The following PTPRE variants were observed in gnomAD, a reference collection of about 807,000 sequenced individuals.
PTPRE encodes receptor-type tyrosine-protein phosphatase epsilon.
In PTPRE, 51 loss-of-function variants were observed where a neutral mutation model predicts 102.0. The observed-to-expected ratio is 0.50, with a 90% CI of 0.40 to 0.63. PTPRE has a LOEUF of 0.63. Among genes scored for constraint, PTPRE ranks in the 30% least tolerant of loss-of-function variants. The pLI, the probability that PTPRE is intolerant of heterozygous loss-of-function variation, is 0.00. For synonymous variants in PTPRE, 345 were observed against 348.2 expected (o/e 0.99, Z 0.10); for missense variants, 752 against 915.1 (o/e 0.82, Z 2.30).
At position 128,006,419 on chromosome 10, in the gene PTPRE, G is replaced by A. The variant is rs193281352; in HGVS notation, c.-8+24123G>A. On this transcript the variant is annotated intron_variant, in intron 2 of 20. Coordinates refer to ENST00000254667, the MANE Select transcript of PTPRE (RefSeq NM_006504.6). ...TGTAGGTGCCTCTCAGGTACTTAACGTTGACTTGAAAATCATTGCTTAATT... is the reference window on the plus strand; with the variant it reads ...TGTAGGTGCCTCTCAGGTACTTAACATTGACTTGAAAATCATTGCTTAATT... Among the ~76,000 whole-genome samples, 7 of 152,294 alleles carry A rather than the reference G, an allele frequency of 4.6e-5. No homozygotes were observed. The East Asian group carries it at 1.2e-3, about 25-fold the overall frequency.
At chr10:128,047,659 G>A (rs1348254211) in intron 4 of PTPRE, 105 bp from the exon 5 acceptor site, 8 of 1,614,104 alleles carry the variant, frequency 5.0e-6, no homozygotes, top group Non-Finnish European at 6.8e-6. Flanking sequence ...ATGAGCAACA[G>A]GAGTAGCTTT....
At chr10:127,952,701 G>A (rs1008351535) in intron 1 of PTPRE, among the ~76,000 whole-genome samples, 14 of 152,198 alleles carry the variant, frequency 9.2e-5, no homozygotes, top group Non-Finnish European at 2.1e-4. Context: ...TTAAAACTGT[G>A]CTGGGTGTGC....
intron 7 of PTPRE, among the ~76,000 whole-genome samples, chr10:128,060,294 C>T (rs372730275): frequency 3.3e-5 from 5 of 151,986 alleles, no homozygotes; most frequent in African/African-American, 1.2e-4. Context: ...TACACACACA[C>T]CCCACACACA....
In PTPRE at chr10:128,061,662, G is replaced by T; in HGVS notation, c.589-17G>T. The T allele has an allele frequency of 6.3e-7, 1 of 1,578,648 alleles. No individual in the cohort carries two copies. Among genetic ancestry groups the T allele is most frequent in the Admixed American group, 1.9e-5 (1 of 51,346 alleles). On this transcript the variant is annotated splice_polypyrimidine_tract_variant and intron_variant, in intron 8 of 20. Transcript: ENST00000254667. ...GATAATTCTGAAAAAATATAAATCT[G>T]ATGTTATTTTTTCTAGGGTTACAAA...
At chr10:128,021,129 TCG>T (rs1476668859) in intron 2 of PTPRE, among the ~76,000 whole-genome samples, 1 of 152,154 alleles carries the variant, frequency 6.6e-6, no homozygotes, top group Non-Finnish European at 1.5e-5. Flanking sequence ...TCTCCTGACC[TCG>T]TGATCCACCT....
chr10:128,039,762 C>A (rs1847515455), intron 2 of PTPRE, among the ~76,000 whole-genome samples: 1 of 151,524 alleles, frequency 6.6e-6, no homozygotes, highest in Admixed American at 6.6e-5. Context: ...GACAGGCTGA[C>A]CTTGGACGGG....
chr10:128,046,305 G>A (rs1544226), intron 3 of PTPRE, among the ~76,000 whole-genome samples: 48,242 of 152,062 alleles, frequency 0.32, 8,339 homozygotes, highest in Admixed American at 0.48. Context: ...CCCAGTGCCC[G>A]GAGCACCCTC....
At chr10:127,918,558 C>CAAA (rs35535006) in intron 1 of PTPRE, among the ~76,000 whole-genome samples, 5,145 of 94,948 alleles carry the variant, frequency 0.054, 113 homozygotes, top group Middle Eastern at 0.11. Flanking sequence ...GACTCCATCT[C>CAAA]AAAAAAAAAA....
In PTPRE at chr10:127,951,690, G is replaced by T. The variant is rs972345231; in HGVS notation, c.-30-30584G>T. On this transcript the variant is annotated intron_variant, in intron 1 of 20. Coordinates refer to ENST00000254667, the MANE Select transcript of PTPRE (RefSeq NM_006504.6). ...CCTGTGGAGTGAAGGCAATTATGAT[G>T]GAAAAGGGTAAATGGAAGCTATTAG... 7.2e-5 allele frequency among the ~76,000 whole-genome samples: 11 copies of T among 152,276 alleles called. No homozygotes were observed. In the East Asian group the frequency reaches 7.7e-4, roughly 11 times the overall value.
intron 2 of PTPRE, among the ~76,000 whole-genome samples, chr10:128,002,907 C>T (rs935647709): frequency 3.9e-5 from 6 of 151,908 alleles, no homozygotes; most frequent in South Asian, 2.1e-4. Context: ...GTCACCCAGG[C>T]GAGTCTTGAA....
intron 2 of PTPRE, among the ~76,000 whole-genome samples, chr10:128,004,120 T>G (rs1445812675): frequency 2.0e-5 from 3 of 151,800 alleles, no homozygotes; most frequent in Non-Finnish European, 2.9e-5. Flanking sequence ...AAGGGCAAAA[T>G]GTGCTGCGTG....
intron 9 of PTPRE, among the ~76,000 whole-genome samples, chr10:128,062,031 G>A (rs1057398955): frequency 6.6e-6 from 1 of 152,102 alleles, no homozygotes; most frequent in African/African-American, 2.4e-5. Flanking sequence ...AAGTTTGGGC[G>A]AGGGGTTAGT....
chr10:128,021,500 G>A lies in PTPRE; in HGVS notation c.-7-19375G>A, dbSNP rs566977032. The stretch of plus-strand genomic sequence containing the variant: ...GGTTGCCTTCAGCATCCAGGCCCTC[G>A]GGGCACCGCCATGCTCCCCAGAACA... On this transcript the variant is annotated intron_variant, in intron 2 of 20. Coordinates refer to ENST00000254667, the MANE Select transcript of PTPRE (RefSeq NM_006504.6). Among the ~76,000 whole-genome samples, 7 of 152,328 alleles carry A rather than the reference G, an allele frequency of 4.6e-5. No homozygotes were observed. In the South Asian group the frequency reaches 6.2e-4, roughly 14 times the overall value.
At position 128,070,028 on chromosome 10, in the gene PTPRE, C is replaced by T; in HGVS notation, c.1143+201C>T. 2 of 778,584 alleles carry T rather than the reference C, an allele frequency of 2.6e-6. No homozygotes were observed. The highest frequency in any genetic ancestry group is 4.1e-6 in the Non-Finnish European group (2 of 492,644). 48.2% of individuals were successfully genotyped at this position (778,584 alleles called of 1,614,324 possible). ...CGTCCTCATCTTTCCCTCGTATCCTCATGTGAGATGGGGCAATCCTACTCC... is the reference window on the plus strand; with the variant it reads ...CGTCCTCATCTTTCCCTCGTATCCTTATGTGAGATGGGGCAATCCTACTCC... On this transcript the variant is annotated intron_variant, in intron 13 of 20. Coordinates refer to ENST00000254667, the MANE Select transcript of PTPRE (RefSeq NM_006504.6). The surrounding 1 kb of genome is among the most constrained non-coding windows in gnomAD (Gnocchi z 4.8).
At chr10:127,992,849 C>T (rs1852822665) in intron 2 of PTPRE, among the ~76,000 whole-genome samples, 1 of 152,196 alleles carries the variant, frequency 6.6e-6, no homozygotes, top group Non-Finnish European at 1.5e-5. Flanking sequence ...CAGGTGCGTG[C>T]CCAGGCATTT....
At chr10:127,955,958 A>C (rs11018418) in intron 1 of PTPRE, among the ~76,000 whole-genome samples, 31,514 of 151,976 alleles carry the variant, frequency 0.21, 3,548 homozygotes, top group East Asian at 0.39. Flanking sequence ...CAAGGGGGAA[A>C]TCCATCCCAT....
chr10:128,079,445 T>A, intron 19 of PTPRE, 115 bp from the exon 20 acceptor site: 2 of 1,360,046 alleles, frequency 1.5e-6, no homozygotes, highest in Non-Finnish European at 2.0e-6. Flanking sequence ...CAAACTCAGA[T>A]CATTTTCAGC....
chr10:127,911,541 ACT>A (rs1314500711), intron 1 of PTPRE, among the ~76,000 whole-genome samples: 5 of 152,124 alleles, frequency 3.3e-5, no homozygotes, highest in Admixed American at 6.5e-5. Flanking sequence ...TACCCTAGAA[ACT>A]CTCAGAACTT....
chr10:127,996,319 C>CAA (rs1345903373), intron 2 of PTPRE, among the ~76,000 whole-genome samples: 3 of 152,210 alleles, frequency 2.0e-5, no homozygotes, highest in Non-Finnish European at 4.4e-5. Context: ...GCTGGCCCGT[C>CAA]AAAATCGCTT....
Sources: gnomAD v4.1 joint callset for allele counts (sites outside exome capture counted in the v4.1 genomes callset) on GRCh38, gnomAD v4.1.1 for gene constraint, Gnocchi (gnomAD v3.1) non-coding constraint, MANE v1.5 for transcripts, NCBI Gene and HGNC (gene_info 2026-07-23, HGNC 2026-07-21) for gene names.